ZNF366: variants seen among roughly 807,000 people sequenced by gnomAD.
ZNF366 encodes dendritic cell-specific transcript protein.
In ZNF366, 20 loss-of-function variants were observed where a neutral mutation model predicts 47.2. That is an observed-to-expected ratio of 0.42 (90% CI 0.30 to 0.62). The LOEUF is 0.62. Ranked by LOEUF, ZNF366 falls within the 20% of genes least tolerant of loss-of-function variation. ZNF366 has a pLI of 0.16. For missense variants in ZNF366, 987 were observed against 976.3 expected (o/e 1.01, Z -0.15); for synonymous variants, 421 against 395.1 (o/e 1.07, Z -0.78).
At chr5:72,477,325 G>T (rs1363011355) in intron 1 of ZNF366, among the ~76,000 whole-genome samples, 1 of 152,208 alleles carries the variant, frequency 6.6e-6, no homozygotes, top group Non-Finnish European at 1.5e-5. Flanking sequence ...CAGTGGCACT[G>T]ATCCAAGCGT....
intron 1 of ZNF366, among the ~76,000 whole-genome samples, chr5:72,499,289 T>C (rs1744164693): frequency 6.6e-6 from 1 of 152,160 alleles, no homozygotes; most frequent in African/African-American, 2.4e-5. Flanking sequence ...AAACGCCTGC[T>C]TGCCTGCTGC....
chr5:72,488,672 T>C (rs770852868), intron 1 of ZNF366, among the ~76,000 whole-genome samples: 6 of 152,322 alleles, frequency 3.9e-5, no homozygotes, highest in Middle Eastern at 6.8e-3. Context: ...AGATTTTGCT[T>C]TAACCTGTCC....
intron 1 of ZNF366, among the ~76,000 whole-genome samples, chr5:72,475,197 T>G (rs567859713): frequency 5.9e-5 from 9 of 152,298 alleles, no homozygotes; most frequent in African/African-American, 1.9e-4. Flanking sequence ...GCCCGCAGCC[T>G]GAAGACCTTC....
In ZNF366 at chr5:72,460,669, A is replaced by G. The variant is rs896554357; in HGVS notation, c.828T>C (p.Ser276=). The G allele has an allele frequency of 1.2e-6, 2 of 1,614,108 alleles. No individual in the cohort carries two copies. Among genetic ancestry groups the G allele is most frequent in the African/African-American group, 2.7e-5 (2 of 75,020 alleles). ...YNLVTHILGH[S]GIKPHACTHC... Reference sequence around the variant, plus strand: ...GCGTGCACGCGTGCGGCTTGATCCCACTGTGGCCCAGGATGTGGGTGACCA... The same window carrying G: ...GCGTGCACGCGTGCGGCTTGATCCCGCTGTGGCCCAGGATGTGGGTGACCA... The change falls in exon 2 of 5, where the codon AGT becomes AGC. Residue 276 remains serine (S), a synonymous_variant. Transcript: ENST00000318442.
At chr5:72,504,395 A>G (rs1744280220) in intron 1 of ZNF366, among the ~76,000 whole-genome samples, 1 of 152,186 alleles carries the variant, frequency 6.6e-6, no homozygotes, top group African/African-American at 2.4e-5. Flanking sequence ...AATGTCCACA[A>G]TATAACTGAA....
intron 1 of ZNF366, among the ~76,000 whole-genome samples, chr5:72,499,457 T>G (rs1242165822): frequency 6.6e-6 from 1 of 150,912 alleles, no homozygotes; most frequent in African/African-American, 2.4e-5. Context: ...GAATTCAAAT[T>G]CTAGCACTTC....
At chr5:72,479,339 G>A (rs989707789) in intron 1 of ZNF366, among the ~76,000 whole-genome samples, 1 of 152,058 alleles carries the variant, frequency 6.6e-6, no homozygotes, top group Non-Finnish European at 1.5e-5. Context: ...GAGGCAGGAG[G>A]ATGGCTTGAG....
intron 1 of ZNF366, among the ~76,000 whole-genome samples, chr5:72,505,976 T>C (rs1183673240): frequency 2.0e-5 from 3 of 152,258 alleles, no homozygotes; most frequent in Admixed American, 6.5e-5. Context: ...GAGGTCTGAC[T>C]AATGGAACAA....
intron 3 of ZNF366, among the ~76,000 whole-genome samples, chr5:72,454,872 G>A (rs933670181): frequency 2.0e-5 from 3 of 152,326 alleles, no homozygotes; most frequent in East Asian, 1.9e-4. Context: ...AGAGGAGGCC[G>A]TGGAGTCCAT....
intron 1 of ZNF366, among the ~76,000 whole-genome samples, chr5:72,504,605 G>A (rs1424240730): frequency 1.3e-5 from 2 of 152,140 alleles, no homozygotes; most frequent in Non-Finnish European, 2.9e-5. Context: ...TTCACTCAGT[G>A]TGTGCCCAAC....
Position 72,460,756 on chromosome 5 carries a change from G to T in ZNF366, c.741C>A (p.Gly247=). Residue 247 remains glycine (G), a synonymous_variant, in exon 2 of 5, where the codon GGC becomes GGA. Coordinates refer to ENST00000318442, the MANE Select transcript of ZNF366 (RefSeq NM_152625.3). ...GGCACTGCCAGCGCTTCTGCGAGCC[G>T]CCCACGTCCACGTAGTAGCTGTCAT... ...QIDDSYYVDV[G]GSQKRWQCPT... The T allele has an allele frequency of 1.2e-6, 2 of 1,614,212 alleles. No homozygotes were observed. The highest frequency in any genetic ancestry group is 1.7e-6 in the Non-Finnish European group (2 of 1,180,042).
chr5:72,485,126 A>G (rs1561201807), intron 1 of ZNF366, among the ~76,000 whole-genome samples: 1 of 152,252 alleles, frequency 6.6e-6, no homozygotes, highest in Non-Finnish European at 1.5e-5. Context: ...ACATTAAAAA[A>G]TGTTTAGTAA....
rs1742854122 is a variant in ZNF366, at chr5:72,441,573, T to C, written c.*2183A>G. The C allele has an allele frequency of 6.6e-6, 1 of 152,318 alleles. No individual in the cohort carries two copies. Among genetic ancestry groups the C allele is most frequent in the South Asian group, 2.1e-4 (1 of 4,820 alleles). 9.4% of individuals were successfully genotyped at this position (152,318 alleles called of 1,614,324 possible). ...AGGACATAGTACTCTTAGCACTTCA[T>C]GGTGGTGGGGAGGCTGACAGGAGAA... On this transcript the variant is annotated 3_prime_UTR_variant, in exon 5 of 5. Coordinates refer to ENST00000318442, the MANE Select transcript of ZNF366 (RefSeq NM_152625.3).
Position 72,440,143 on chromosome 5 carries a change from C to G in ZNF366, c.*3613G>C, listed in dbSNP as rs575735018. 6.6e-6 allele frequency: 1 copy of G among 152,304 alleles called. No individual in the cohort carries two copies. Among genetic ancestry groups the G allele is most frequent in the Non-Finnish European group, 1.5e-5 (1 of 68,018 alleles). The allele number at this position is 152,304 out of a possible 1,614,324, so 9.4% of individuals were successfully genotyped here. A position where few individuals can be genotyped will look rare whatever the true frequency, so the allele number is the denominator to read the frequency against. On this transcript the variant is annotated 3_prime_UTR_variant, in exon 5 of 5. Coordinates refer to ENST00000318442, the MANE Select transcript of ZNF366 (RefSeq NM_152625.3). ...TCTGTTATATTTTGTTCCAGCAAAG[C>G]AGACAAAGATCATAATTCAAAACAC...
At chr5:72,472,823 G>C (rs192288961) in intron 1 of ZNF366, among the ~76,000 whole-genome samples, 1 of 152,260 alleles carries the variant, frequency 6.6e-6, no homozygotes, top group African/African-American at 2.4e-5. Flanking sequence ...TTGCTTAAAA[G>C]CTGCTTTCAG....
At chr5:72,482,746 T>TTTTG (rs1554032794) in intron 1 of ZNF366, among the ~76,000 whole-genome samples, 1 of 140,970 alleles carries the variant, frequency 7.1e-6, no homozygotes, top group South Asian at 2.5e-4. Flanking sequence ...CATTTCTATT[T>TTTTG]TGTGTGTGTG....
At chr5:72,456,942 T>G (rs1200202667) in intron 2 of ZNF366, among the ~76,000 whole-genome samples, 6 of 152,152 alleles carry the variant, frequency 3.9e-5, no homozygotes, top group Admixed American at 3.3e-4. Flanking sequence ...ATATGCAATA[T>G]GAGTCCATAA....
chr5:72,442,399 C>T lies in ZNF366; in HGVS notation c.*1357G>A, dbSNP rs1182179205. On this transcript the variant is annotated 3_prime_UTR_variant, in exon 5 of 5. Transcript: ENST00000318442. ...GGGCTCCACTCCAGATCAATTAAAT[C>T]AGAATCTTAATGGGTAAGGCCTTGG... 6.6e-6 allele frequency: 1 copy of T among 152,158 alleles called. No homozygotes were observed. The highest frequency in any genetic ancestry group is 1.5e-5 in the Non-Finnish European group (1 of 68,022). The allele number at this position is 152,158 out of a possible 1,614,324, so 9.4% of individuals were successfully genotyped here.
At chr5:72,456,616 G>A in intron 2 of ZNF366, 21 bp from the exon 3 acceptor site, 1 of 1,557,006 alleles carries the variant, frequency 6.4e-7, no homozygotes, top group Non-Finnish European at 8.8e-7. Context: ...GCAAGATTCA[G>A]AAAAGTGGTG....
Sources: gnomAD v4.1 joint callset for allele counts (sites outside exome capture counted in the v4.1 genomes callset) on GRCh38, gnomAD v4.1.1 for gene constraint, MANE v1.5 for transcripts, NCBI Gene and HGNC (gene_info 2026-07-23, HGNC 2026-07-21) for gene names.